RBFOX1: variants seen among roughly 807,000 people sequenced by gnomAD.
The protein encoded by RBFOX1 is RNA binding fox-1 homolog 1.
Under a neutral mutation model 57.7 loss-of-function variants are expected in RBFOX1, and 8 were observed. The observed-to-expected ratio is 0.14, with a 90% CI of 0.08 to 0.25. The LOEUF (loss-of-function observed/expected upper bound fraction) is 0.25, where lower values mean the gene tolerates loss of function less well. Ranked by LOEUF, RBFOX1 falls within the 10% of genes least tolerant of loss-of-function variation. The pLI, the probability that RBFOX1 is intolerant of heterozygous loss-of-function variation, is 1.00. For synonymous variants in RBFOX1, 326 were observed against 222.4 expected (o/e 1.47, Z -4.15); for missense variants, 611 against 548.5 (o/e 1.11, Z -1.14).
intron 1 of RBFOX1, among the ~76,000 whole-genome samples, chr16:5,251,597 C>G (rs2062454830): frequency 6.6e-6 from 1 of 152,098 alleles, no homozygotes; most frequent in Admixed American, 6.6e-5. Context: ...TATCTAATTA[C>G]TTTTATATTA....
chr16:6,631,952 T>A (rs1456460336), intron 2 of RBFOX1, among the ~76,000 whole-genome samples: 2 of 152,138 alleles, frequency 1.3e-5, no homozygotes, highest in East Asian at 3.9e-4. Context: ...GGCAAAGAGC[T>A]ATGTTGGGAG....
intron 4 of RBFOX1, among the ~76,000 whole-genome samples, chr16:7,343,212 A>G (rs1170244811): frequency 6.6e-6 from 1 of 152,098 alleles, no homozygotes; most frequent in Non-Finnish European, 1.5e-5. Flanking sequence ...GGCAAGGAGG[A>G]TGTGTGAGTG....
intron 4 of RBFOX1, among the ~76,000 whole-genome samples, chr16:7,288,868 A>G (rs2095703158): frequency 6.6e-6 from 1 of 152,200 alleles, no homozygotes; most frequent in Non-Finnish European, 1.5e-5. Context: ...TTTTTACAGT[A>G]TTTCTTGGAC....
chr16:7,232,501 C>A (rs993225669), intron 4 of RBFOX1, among the ~76,000 whole-genome samples: 1 of 152,100 alleles, frequency 6.6e-6, no homozygotes, highest in Non-Finnish European at 1.5e-5. Context: ...CACACATATG[C>A]CCACTTGTAC....
At chr16:7,043,562 C>G (rs1469985648) in intron 3 of RBFOX1, among the ~76,000 whole-genome samples, 1 of 152,170 alleles carries the variant, frequency 6.6e-6, no homozygotes, top group Non-Finnish European at 1.5e-5. Context: ...AACAGCAACG[C>G]TGAGAAATAA....
intron 5 of RBFOX1, among the ~76,000 whole-genome samples, chr16:7,547,054 A>G (rs1214178342): frequency 6.6e-6 from 1 of 151,994 alleles, no homozygotes; most frequent in Non-Finnish European, 1.5e-5. Context: ...TGTCTCCTGC[A>G]CTCACACCAG....
At chr16:5,810,850 C>T (rs1452159404) in intron 3 of RBFOX1, among the ~76,000 whole-genome samples, 1 of 152,062 alleles carries the variant, frequency 6.6e-6, no homozygotes, top group South Asian at 2.1e-4. Flanking sequence ...GGAATGTTCT[C>T]TTGTTTAGAA....
intron 4 of RBFOX1, among the ~76,000 whole-genome samples, chr16:5,948,246 T>C (rs1173401975): frequency 2.6e-5 from 4 of 152,112 alleles, no homozygotes; most frequent in Non-Finnish European, 5.9e-5. Context: ...TGGGTGTTAG[T>C]TCTATGGAAG....
intron 11 of RBFOX1, among the ~76,000 whole-genome samples, chr16:7,632,902 C>T (rs1177962649): frequency 1.5e-5 from 2 of 137,402 alleles, no homozygotes; most frequent in African/African-American, 2.5e-5. Flanking sequence ...ACAAAACAAT[C>T]AACTCCAAAA....
chr16:6,336,142 TATATAC>T (rs1359854178), intron 2 of RBFOX1, among the ~76,000 whole-genome samples: 1 of 103,284 alleles, frequency 9.7e-6, no homozygotes, highest in East Asian at 2.6e-4. Context: ...TATATTCATA[TATATAC>T]ATATACATAT....
chr16:5,396,381 C>G (rs542671316), intron 1 of RBFOX1, among the ~76,000 whole-genome samples: 2 of 152,088 alleles, frequency 1.3e-5, no homozygotes, highest in East Asian at 3.9e-4. Context: ...GGGCTCACAC[C>G]TGTAATCCTA....
At chr16:6,540,249 G>T (rs147552393) in intron 2 of RBFOX1, among the ~76,000 whole-genome samples, 6 of 151,790 alleles carry the variant, frequency 4.0e-5, no homozygotes, top group African/African-American at 1.2e-4. Flanking sequence ...CTTAGAATTT[G>T]TGCAATTCTC....
chr16:7,378,493 A>C (rs966717977), intron 4 of RBFOX1, among the ~76,000 whole-genome samples: 1 of 152,162 alleles, frequency 6.6e-6, no homozygotes, highest in East Asian at 1.9e-4. Flanking sequence ...TACTTGTGTA[A>C]CATTTCTGTC....
intron 4 of RBFOX1, among the ~76,000 whole-genome samples, chr16:5,945,373 AC>A (rs2059380998): frequency 6.6e-6 from 1 of 152,144 alleles, no homozygotes; most frequent in South Asian, 2.1e-4. Flanking sequence ...CAGCCATTAT[AC>A]TTTGAGGAAT....
At chr16:7,708,850 CAT>C (rs2083349780) in intron 14 of RBFOX1, among the ~76,000 whole-genome samples, 1 of 152,116 alleles carries the variant, frequency 6.6e-6, no homozygotes, top group African/African-American at 2.4e-5. Context: ...ATCTGTCAAA[CAT>C]AGCAATAGCA....
chr16:7,354,472 G>A (rs1259174917), intron 4 of RBFOX1, among the ~76,000 whole-genome samples: 2 of 152,170 alleles, frequency 1.3e-5, no homozygotes, highest in Admixed American at 1.3e-4. Flanking sequence ...ACACGGCCTA[G>A]CACCAGCTGA....
chr16:6,100,253 T>C (rs1004852598), intron 1 of RBFOX1, among the ~76,000 whole-genome samples: 2 of 152,022 alleles, frequency 1.3e-5, no homozygotes, highest in African/African-American at 4.8e-5. Context: ...AGCTCCGCCT[T>C]CTGGGTTCAC....
At chr16:5,312,817 G>A (rs781733038) in intron 1 of RBFOX1, among the ~76,000 whole-genome samples, 1 of 152,168 alleles carries the variant, frequency 6.6e-6, no homozygotes, top group African/African-American at 2.4e-5. Context: ...AAGATCCTTG[G>A]ACAGAGACAA....
At chr16:6,925,745 A>G (rs1408032148) in intron 3 of RBFOX1, among the ~76,000 whole-genome samples, 2 of 152,034 alleles carry the variant, frequency 1.3e-5, no homozygotes, top group East Asian at 3.9e-4. Context: ...CCAAACACAG[A>G]CAAGCAAAGA....
Sources: allele counts gnomAD v4.1 joint callset (sites outside exome capture counted in the v4.1 genomes callset), GRCh38; gene constraint gnomAD v4.1.1; transcripts MANE v1.5; gene names NCBI Gene and HGNC (gene_info 2026-07-23, HGNC 2026-07-21).